The following CCDC82 variants were observed in gnomAD, a reference collection of about 807,000 sequenced individuals.
CCDC82 encodes the protein coiled-coil domain containing 82.
In CCDC82, 47 loss-of-function variants were observed where a neutral mutation model predicts 60.6. The observed-to-expected ratio is 0.77, with a 90% CI of 0.61 to 0.99. The LOEUF (loss-of-function observed/expected upper bound fraction) is 0.99. Ranked by LOEUF, CCDC82 falls within the 50% of genes least tolerant of loss-of-function variation. CCDC82 has a pLI of 0.00. For synonymous variants in CCDC82, 212 were observed against 207.4 expected, an observed-to-expected ratio of 1.02 and a Z score of -0.19; for missense variants, 588 against 633.0, an observed-to-expected ratio of 0.93 and a Z score of 0.76.
At chr11:96,383,234 C>T in intron 5 of CCDC82, 35 bp downstream of exon 5, 1 of 1,153,740 alleles carries the variant, frequency 8.7e-7, no homozygotes, top group Non-Finnish European at 1.3e-6. Context: ...ATCATGAGAA[C>T]AATTCATGAA....
chr11:96,372,956 TA>T (rs1865365234), intron 6 of CCDC82, among the ~76,000 whole-genome samples: 2 of 151,980 alleles, frequency 1.3e-5, no homozygotes, highest in Non-Finnish European at 1.5e-5. Flanking sequence ...TACACTCACC[TA>T]AAACATCTGG....
chr11:96,362,947 A>G (rs7105825), intron 8 of CCDC82, among the ~76,000 whole-genome samples: 107,026 of 151,810 alleles, frequency 0.7, 37,975 homozygotes, highest in African/African-American at 0.8. Context: ...TGTGGGGTTA[A>G]GCACAATTTC....
intron 5 of CCDC82, among the ~76,000 whole-genome samples, chr11:96,375,096 C>T (rs1451971536): frequency 6.6e-6 from 1 of 152,026 alleles, no homozygotes; most frequent in Admixed American, 6.6e-5. Flanking sequence ...TAAACTGTAT[C>T]TATAAAAGCA....
intron 9 of CCDC82, chr11:96,357,560 T>A: frequency 1.0e-6 from 1 of 985,352 alleles, no homozygotes; most frequent in South Asian, 4.7e-5. Flanking sequence ...CTAGGATACA[T>A]GATTTGGAAA....
At chr11:96,377,083 G>A (rs975657482) in intron 5 of CCDC82, among the ~76,000 whole-genome samples, 4 of 152,146 alleles carry the variant, frequency 2.6e-5, no homozygotes, top group Non-Finnish European at 5.9e-5. Context: ...ACAAATATTC[G>A]CTTAGGTAAA....
chr11:96,353,635 A>G lies in CCDC82; in HGVS notation c.*11T>C. The G allele has an allele frequency of 6.3e-7, 1 of 1,587,972 alleles. No individual in the cohort carries two copies. The highest frequency in any genetic ancestry group is 8.6e-7 in the Non-Finnish European group (1 of 1,158,624). On this transcript the variant is annotated 3_prime_UTR_variant, in exon 10 of 10. Transcript: ENST00000646818. ...ACAGGAATTTAAAAAATCTTCTCTG[A>G]TGGAAATGTGTTACAACTCAAACTT...
chr11:96,368,658 A>T (rs971882033), intron 7 of CCDC82, among the ~76,000 whole-genome samples: 1 of 152,088 alleles, frequency 6.6e-6, no homozygotes, highest in Non-Finnish European at 1.5e-5. Context: ...TGAGGTCAGG[A>T]GATCGAGACC....
chr11:96,360,637 T>A (rs1864611211), intron 8 of CCDC82, among the ~76,000 whole-genome samples: 2 of 152,222 alleles, frequency 1.3e-5, no homozygotes, highest in Admixed American at 6.5e-5. Flanking sequence ...AGTATTTGTG[T>A]CTGTACCTAA....
intron 5 of CCDC82, 66 bp downstream of exon 5, chr11:96,383,203 T>A: frequency 2.1e-6 from 2 of 934,956 alleles, no homozygotes; most frequent in Non-Finnish European, 3.5e-6. Context: ...ATTAAAAGGC[T>A]AATTTGATAC....
In CCDC82 at chr11:96,353,404, A is replaced by C; in HGVS notation, c.*242T>G. 1 of 393,738 alleles carries C rather than the reference A, an allele frequency of 2.5e-6. No individual in the cohort carries two copies. Among genetic ancestry groups the C allele is most frequent in the Non-Finnish European group, 4.5e-6 (1 of 219,804 alleles). The allele number at this position is 393,738 out of a possible 1,614,324, so 24.4% of individuals were successfully genotyped here. ...TCATCTGTTATAAAGCCATTATTAT[A>C]TAACTTTAAAATATATTTACAGACT... On this transcript the variant is annotated 3_prime_UTR_variant, in exon 10 of 10. Coordinates refer to ENST00000646818, the MANE Select transcript of CCDC82 (RefSeq NM_024725.4).
intron 7 of CCDC82, among the ~76,000 whole-genome samples, chr11:96,369,205 C>T (rs1439084231): frequency 1.3e-5 from 2 of 152,170 alleles, no homozygotes; most frequent in African/African-American, 4.8e-5. Flanking sequence ...CAATCCATAC[C>T]ACTAAAACAT....
intron 5 of CCDC82, 32 bp from the exon 6 acceptor site, chr11:96,373,499 G>A: frequency 7.9e-7 from 1 of 1,270,084 alleles, no homozygotes; most frequent in Non-Finnish European, 1.1e-6. Flanking sequence ...TATTAGAACA[G>A]AGCAGACAAA....
intron 8 of CCDC82, chr11:96,359,419 A>G (rs1436822128): frequency 2.9e-6 from 1 of 346,834 alleles, no homozygotes; most frequent in Non-Finnish European, 5.1e-6. Context: ...GGGAGCTTAC[A>G]GTTTTGAGAG....
Position 96,383,953 on chromosome 11 carries a change from A to T in CCDC82, c.786+9T>A. 1 of 1,590,670 alleles carries T rather than the reference A, an allele frequency of 6.3e-7. No homozygotes were observed. Among genetic ancestry groups the T allele is most frequent in the Non-Finnish European group, 8.5e-7 (1 of 1,171,832 alleles). On this transcript the variant is annotated intron_variant, in intron 4 of 9. Transcript: ENST00000646818. The stretch of plus-strand genomic sequence containing the variant: ...AAAACAATAACAAATCCAACAAAAT[A>T]TAACACACCTCAAAATCTCTACCAC...
chr11:96,384,282 CTT>C lies in CCDC82; in HGVS notation c.464_465del (p.Gln155ArgfsTer3), dbSNP rs1866055443. ...IEDDQEKHLSQEDNDLNKQTG... is the reference protein window; with the variant it reads ...IEDDQEKHLSXEDNDLNKQTG... ...GTTTGTTTGTTGAGATCATTATCCT[CTT>C]GACTTAAATGTTTTTCCTGATCATC... On this transcript the variant is annotated frameshift_variant, in exon 4 of 10. Transcript: ENST00000646818. LOFTEE classifies it high-confidence loss of function. 1.2e-6 allele frequency: 2 copies of C among 1,613,716 alleles called. No individual in the cohort carries two copies. Among genetic ancestry groups the C allele is most frequent in the Non-Finnish European group, 1.7e-6 (2 of 1,179,780 alleles).
intron 7 of CCDC82, among the ~76,000 whole-genome samples, chr11:96,366,696 C>A (rs1478905171): frequency 6.6e-6 from 1 of 152,166 alleles, no homozygotes; most frequent in Non-Finnish European, 1.5e-5. Context: ...CAAGTTCAGC[C>A]TGGGCCACAG....
At chr11:96,373,163 A>C (rs1039975696) in intron 6 of CCDC82, among the ~76,000 whole-genome samples, 5 of 152,130 alleles carry the variant, frequency 3.3e-5, no homozygotes, top group Non-Finnish European at 5.9e-5. Flanking sequence ...CCTGTCACAA[A>C]CTTACCTTCC....
At chr11:96,378,415 A>T (rs1370647192) in intron 5 of CCDC82, among the ~76,000 whole-genome samples, 1 of 151,998 alleles carries the variant, frequency 6.6e-6, no homozygotes, top group Non-Finnish European at 1.5e-5. Context: ...AATAAATTTC[A>T]CAGGTACTTT....
chr11:96,366,994 G>A (rs139332304), intron 7 of CCDC82, among the ~76,000 whole-genome samples: 169 of 152,288 alleles, frequency 1.1e-3, no homozygotes, highest in Non-Finnish European at 1.8e-3. Flanking sequence ...TGTCTAAAAT[G>A]TATGTAATTT....
Sources: allele counts gnomAD v4.1 joint callset (sites outside exome capture counted in the v4.1 genomes callset), GRCh38; gene constraint gnomAD v4.1.1; transcripts MANE v1.5; gene names NCBI Gene and HGNC (gene_info 2026-07-23, HGNC 2026-07-21).